Variants in CCDC73 observed in about 807,000 individuals in gnomAD.
CCDC73 encodes the protein coiled-coil domain containing 73, also known as coiled-coil domain-containing protein 73.
In CCDC73, 95 loss-of-function variants were observed where a neutral mutation model predicts 116.5. The ratio of observed to expected loss-of-function variants is 0.82; its 90% CI spans 0.69 to 0.97. CCDC73 has a LOEUF of 0.97. Ranked by LOEUF, CCDC73 falls within the 50% of genes least tolerant of loss-of-function variation. The probability of loss-of-function intolerance (pLI) is 0.00; values close to 1 mark genes in which losing one functional copy is unlikely to be tolerated. For synonymous variants in CCDC73, 398 were observed against 401.3 expected (o/e 0.99, Z 0.10); for missense variants, 1,066 against 1,206.8 (o/e 0.88, Z 1.73).
At chr11:32,673,815 G>A (rs902450103) in intron 9 of CCDC73, among the ~76,000 whole-genome samples, 2 of 152,204 alleles carry the variant, frequency 1.3e-5, no homozygotes, top group Non-Finnish European at 2.9e-5. Flanking sequence ...CACAAGGGAT[G>A]GCTCAAGTTC....
chr11:32,827,161 A>G, the CCDC73 span, among the ~76,000 whole-genome samples: 1 of 151,992 alleles, frequency 6.6e-6, no homozygotes, highest in Non-Finnish European at 1.5e-5. Context: ...ACCGTGCCCG[A>G]CCAAGAATAT....
At chr11:32,719,027 A>G (rs1372612940) in intron 2 of CCDC73, among the ~76,000 whole-genome samples, 3 of 152,204 alleles carry the variant, frequency 2.0e-5, no homozygotes, top group Admixed American at 6.5e-5. Flanking sequence ...ATAAGCATCA[A>G]GTAAAAAGAA....
chr11:32,671,602 T>TA (rs1856038812), intron 9 of CCDC73, among the ~76,000 whole-genome samples: 2 of 152,144 alleles, frequency 1.3e-5, no homozygotes, highest in Non-Finnish European at 2.9e-5. Flanking sequence ...TTCCCAAAGT[T>TA]AAAAATCAAA....
At chr11:32,618,167 T>C (rs1284822913) in intron 14 of CCDC73, among the ~76,000 whole-genome samples, 2 of 152,222 alleles carry the variant, frequency 1.3e-5, no homozygotes, top group Admixed American at 1.3e-4. Flanking sequence ...CTTAGGATAA[T>C]GGCCTCCAGC....
chr11:32,723,586 G>T (rs1207202315), intron 2 of CCDC73, among the ~76,000 whole-genome samples: 3 of 152,106 alleles, frequency 2.0e-5, no homozygotes, highest in Admixed American at 2.0e-4. Context: ...TCTGTTCAGG[G>T]TCAAGAATTG....
At chr11:32,711,310 A>C (rs1004677861) in intron 3 of CCDC73, among the ~76,000 whole-genome samples, 15 of 152,198 alleles carry the variant, frequency 9.9e-5, no homozygotes, top group African/African-American at 3.6e-4. Flanking sequence ...AGAGGAAAAG[A>C]AGTCATTATA....
intron 14 of CCDC73, among the ~76,000 whole-genome samples, chr11:32,627,521 G>A (rs532583802): frequency 2.2e-4 from 33 of 152,276 alleles, no homozygotes; most frequent in African/African-American, 6.5e-4. Context: ...ACATGCACAC[G>A]TATGTTTATT....
rs568650859 is a variant in CCDC73, at chr11:32,632,336, G to A, written c.1185+3360C>T. Among the ~76,000 whole-genome samples the A allele has an allele frequency of 2.6e-5, 4 of 152,108 alleles. No individual in the cohort carries two copies. In the South Asian group the frequency reaches 8.3e-4, roughly 32 times the overall value. On this transcript the variant is annotated intron_variant, in intron 14 of 17. Transcript: ENST00000335185. ...TGCCTCCAAGGCTCAAGCAATTCTCGTGACTCGGCCTCTCAAGTAGCTGGA... is the reference window on the plus strand; with the variant it reads ...TGCCTCCAAGGCTCAAGCAATTCTCATGACTCGGCCTCTCAAGTAGCTGGA...
intron 2 of CCDC73, among the ~76,000 whole-genome samples, chr11:32,755,561 ATG>A: frequency 3.8e-5 from 5 of 130,650 alleles, no homozygotes; most frequent in South Asian, 2.4e-4. Context: ...ATATATATAT[ATG>A]TACATATATA....
intron 2 of CCDC73, among the ~76,000 whole-genome samples, chr11:32,734,146 C>A (rs1215050064): frequency 6.6e-6 from 1 of 152,180 alleles, no homozygotes; most frequent in Non-Finnish European, 1.5e-5. Flanking sequence ...ATAAACACCT[C>A]TACGCAAATA....
chr11:32,762,957 C>A (rs911584571), intron 1 of CCDC73, among the ~76,000 whole-genome samples: 2 of 152,276 alleles, frequency 1.3e-5, no homozygotes, highest in African/African-American at 4.8e-5. Context: ...TTATATCCTG[C>A]GCCTGGCTCG....
chr11:32,768,808 G>A (rs561482802), intron 1 of CCDC73, among the ~76,000 whole-genome samples: 1 of 152,214 alleles, frequency 6.6e-6, no homozygotes, highest in African/African-American at 2.4e-5. Context: ...TCGTGCCACT[G>A]CACTCCACCA....
rs753922583 is a variant in CCDC73, at chr11:32,653,224, T to C, written c.838A>G (p.Ile280Val). The change falls in exon 12 of 18, where the codon ATC becomes GTC. Residue 280 changes from isoleucine to valine, a missense_variant. Physicochemically the swap from Ile to Val is conservative, Grantham distance 29. Coordinates refer to ENST00000335185, the MANE Select transcript of CCDC73 (RefSeq NM_001008391.4). ...TGCATATGTTGGAAAGAAATGATGATATCCTTTGAAAATACACAAATATAT... is the reference window on the plus strand; with the variant it reads ...TGCATATGTTGGAAAGAAATGATGACATCCTTTGAAAATACACAAATATAT... ...ITHIQEEKQD[I>V]IISFQHMQQL... 8.1e-6 allele frequency: 13 copies of C among 1,596,984 alleles called. No individual in the cohort carries two copies. In the Admixed American group the frequency reaches 1.2e-4, roughly 15 times the overall value.
intron 1 of CCDC73, among the ~76,000 whole-genome samples, chr11:32,782,039 T>A (rs903059391): frequency 6.6e-6 from 1 of 152,078 alleles, no homozygotes. Flanking sequence ...CTCATAGGAG[T>A]ACAAACCCTG....
chr11:32,661,760 T>C (rs1855929630), intron 9 of CCDC73, among the ~76,000 whole-genome samples: 2 of 151,830 alleles, frequency 1.3e-5, no homozygotes, highest in Non-Finnish European at 2.9e-5. Flanking sequence ...TGTATACATG[T>C]GCCATGTTGG....
intron 1 of CCDC73, among the ~76,000 whole-genome samples, chr11:32,792,197 G>A (rs1850682847): frequency 6.6e-6 from 1 of 151,898 alleles, no homozygotes; most frequent in Admixed American, 6.6e-5. Flanking sequence ...ACGGTCTAGT[G>A]CAGTAAAACT....
chr11:32,764,688 G>C (rs574736882), intron 1 of CCDC73, among the ~76,000 whole-genome samples: 2 of 152,268 alleles, frequency 1.3e-5, no homozygotes, highest in South Asian at 4.1e-4. Context: ...ATCGATGCTA[G>C]GAAGAAACTG....
In CCDC73 at chr11:32,615,966, G is replaced by A. The variant is rs1269100147; in HGVS notation, c.1349C>T (p.Ser450Leu). ...ATCTATAATTATTTCCTCTATAAATGAGCCTTCTTTTTTTTCTTCTTTTTC... is the reference window on the plus strand; with the variant it reads ...ATCTATAATTATTTCCTCTATAAATAAGCCTTCTTTTTTTTCTTCTTTTTC... Reference protein sequence around the residue: ...YREKEEKKEGSFIEEIIIDDL... With the variant: ...YREKEEKKEGLFIEEIIIDDL... The change falls in exon 15 of 18, where the codon TCA becomes TTA. Residue 450 changes from serine (S) to leucine (L), a missense_variant. Ser to Leu is a moderately radical substitution (Grantham distance 145). Transcript: ENST00000335185. 2 of 1,576,408 alleles carry A rather than the reference G, an allele frequency of 1.3e-6. No individual in the cohort carries two copies. Among genetic ancestry groups the A allele is most frequent in the African/African-American group, 1.4e-5 (1 of 73,432 alleles).
At chr11:32,654,420 C>G (rs1451779185) in intron 10 of CCDC73, among the ~76,000 whole-genome samples, 1 of 152,110 alleles carries the variant, frequency 6.6e-6, no homozygotes, top group East Asian at 1.9e-4. Context: ...GTGATCCACC[C>G]ACCTCAGCCT....
Sources: gnomAD v4.1 joint callset for allele counts (sites outside exome capture counted in the v4.1 genomes callset) on GRCh38, gnomAD v4.1.1 for gene constraint, MANE v1.5 for transcripts, NCBI Gene and HGNC (gene_info 2026-07-23, HGNC 2026-07-21) for gene names.